Variants in ARK2N observed in about 807,000 individuals in gnomAD.
ARK2N encodes the protein protein ARK2N.
the ARK2N span, among the ~76,000 whole-genome samples, chr18:46,221,780 G>GT: frequency 6.6e-6 from 1 of 152,098 alleles, no homozygotes; most frequent in African/African-American, 2.4e-5. Context: ...AGGATTCATG[G>GT]TTGAAGATCC....
At chr18:46,190,382 TG>T in the ARK2N span, among the ~76,000 whole-genome samples, 1 of 47,386 alleles carries the variant, frequency 2.1e-5, no homozygotes, top group Non-Finnish European at 5.0e-5. Context: ...TAGCCAGGCG[TG>T]GTGGCGCATG....
the ARK2N span, among the ~76,000 whole-genome samples, chr18:46,255,439 TC>T: frequency 8.1e-6 from 1 of 123,408 alleles, no homozygotes; most frequent in African/African-American, 3.2e-5. Flanking sequence ...GCTTTTCTTT[TC>T]TTTTCTTTTT....
the ARK2N span, among the ~76,000 whole-genome samples, chr18:46,187,196 C>A: frequency 6.7e-6 from 1 of 149,534 alleles, no homozygotes; most frequent in Non-Finnish European, 1.5e-5. Context: ...ACAGGAGAAT[C>A]GCTTGAACCC....
the ARK2N span, among the ~76,000 whole-genome samples, chr18:46,206,190 A>G: frequency 6.6e-6 from 1 of 151,560 alleles, no homozygotes; most frequent in Admixed American, 6.6e-5. Context: ...GGCTCAAGTG[A>G]TCTTCCCATC....
chr18:46,187,941 C>T, the ARK2N span, among the ~76,000 whole-genome samples: 24 of 152,154 alleles, frequency 1.6e-4, no homozygotes, highest in Non-Finnish European at 2.4e-4. Flanking sequence ...GGAACTCCCC[C>T]GCTAAGTAAC....
the ARK2N span, among the ~76,000 whole-genome samples, chr18:46,185,227 G>C: frequency 6.6e-6 from 1 of 152,194 alleles, no homozygotes; most frequent in African/African-American, 2.4e-5. Context: ...CATGATCCCT[G>C]TTTTCATGGG....
At chr18:46,224,371 TA>T in the ARK2N span, among the ~76,000 whole-genome samples, 14 of 151,700 alleles carry the variant, frequency 9.2e-5, no homozygotes, top group East Asian at 1.4e-3. Context: ...CCATAAGAAT[TA>T]AAAAAAAATT....
At chr18:46,261,014 G>A in the ARK2N span, among the ~76,000 whole-genome samples, 9 of 152,216 alleles carry the variant, frequency 5.9e-5, no homozygotes, top group African/African-American at 2.2e-4. Flanking sequence ...CTTTTACTTC[G>A]GAGATATTTT....
chr18:46,194,119 T>C, the ARK2N span, among the ~76,000 whole-genome samples: 1 of 152,034 alleles, frequency 6.6e-6, no homozygotes, highest in Non-Finnish European at 1.5e-5. Flanking sequence ...GCCTGGCTAA[T>C]TTTTAAATTT....
chr18:46,194,202 T>C, the ARK2N span, among the ~76,000 whole-genome samples: 1 of 152,102 alleles, frequency 6.6e-6, no homozygotes, highest in Non-Finnish European at 1.5e-5. Flanking sequence ...TTCTCCTGCG[T>C]TGGCCTCCCA....
the ARK2N span, among the ~76,000 whole-genome samples, chr18:46,222,285 C>G: frequency 2.0e-5 from 3 of 152,214 alleles, no homozygotes; most frequent in Non-Finnish European, 2.9e-5. Flanking sequence ...ATTAAGTTCT[C>G]TTACTGCTAA....
At chr18:46,259,814 T>TGTGTGTGTG in the ARK2N span, among the ~76,000 whole-genome samples, 18 of 22,822 alleles carry the variant, frequency 7.9e-4, no homozygotes, top group South Asian at 1.5e-3. Flanking sequence ...GTGTGTGTGT[T>TGTGTGTGTG]TGACAGAGAT....
chr18:46,200,001 A>T, the ARK2N span, among the ~76,000 whole-genome samples: 3 of 151,918 alleles, frequency 2.0e-5, no homozygotes, highest in Non-Finnish European at 4.4e-5. Context: ...TTTCTGTCTC[A>T]CCTGCGGCCC....
the ARK2N span, among the ~76,000 whole-genome samples, chr18:46,195,592 T>G: frequency 3.5e-5 from 3 of 85,804 alleles, no homozygotes; most frequent in Non-Finnish European, 7.6e-5. Flanking sequence ...TTTTTTTTTT[T>G]TTGAGGGGGA....
chr18:46,239,086 GT>G, the ARK2N span, among the ~76,000 whole-genome samples: 10 of 151,984 alleles, frequency 6.6e-5, no homozygotes, highest in African/African-American at 2.4e-4. Context: ...TGCTGTTAAC[GT>G]TTTTCTTAAA....
chr18:46,196,166 G>C, the ARK2N span, among the ~76,000 whole-genome samples: 4 of 151,728 alleles, frequency 2.6e-5, no homozygotes, highest in Non-Finnish European at 5.9e-5. Flanking sequence ...TTTTAGTAGA[G>C]ATGGGGTTTC....
chr18:46,256,412 T>TC, the ARK2N span, among the ~76,000 whole-genome samples: 1 of 73,966 alleles, frequency 1.4e-5, no homozygotes, highest in Admixed American at 1.3e-4. Context: ...GTTTATCTTC[T>TC]TTTTTTAAAA....
At chr18:46,225,497 C>A in the ARK2N span, among the ~76,000 whole-genome samples, 2 of 151,972 alleles carry the variant, frequency 1.3e-5, no homozygotes, top group Admixed American at 1.3e-4. Context: ...CTCGCTTTGT[C>A]GCGCAGGCTG....
the ARK2N span, among the ~76,000 whole-genome samples, chr18:46,208,546 T>C: frequency 6.9e-6 from 1 of 145,442 alleles, no homozygotes; most frequent in South Asian, 2.3e-4. Context: ...CTCGGCTCAC[T>C]GCAGCCTCTG....
Sources: gnomAD v4.1 joint callset for allele counts (sites outside exome capture counted in the v4.1 genomes callset) on GRCh38, gnomAD v4.1.1 for gene constraint, MANE v1.5 for transcripts, NCBI Gene and HGNC (gene_info 2026-07-23, HGNC 2026-07-21) for gene names.